KCTD16: variants seen among roughly 807,000 people sequenced by gnomAD.
The protein encoded by KCTD16 is potassium channel tetramerization domain containing 16.
KCTD16 carries 13 observed loss-of-function variants against 33.2 expected under a neutral mutation model. The observed-to-expected ratio is 0.39, with a 90% CI of 0.25 to 0.62. The LOEUF (loss-of-function observed/expected upper bound fraction) is 0.62. Among genes scored for constraint, KCTD16 ranks in the 20% least tolerant of loss-of-function variants. KCTD16 has a pLI of 0.50. For synonymous variants in KCTD16, 197 were observed against 195.3 expected (o/e 1.01, Z -0.07); for missense variants, 441 against 525.1 (o/e 0.84, Z 1.57).
intron 3 of KCTD16, among the ~76,000 whole-genome samples, chr5:144,255,729 C>T (rs11744309): frequency 0.22 from 33,446 of 152,114 alleles, 4,188 homozygotes; most frequent in Non-Finnish European, 0.29. Flanking sequence ...CCTGGGAGCT[C>T]AAAGTGAGTG....
intron 3 of KCTD16, among the ~76,000 whole-genome samples, chr5:144,383,929 A>C (rs942807292): frequency 6.6e-6 from 1 of 152,224 alleles, no homozygotes; most frequent in African/African-American, 2.4e-5. Flanking sequence ...CTATTCATTA[A>C]AAATGGTGAG....
At chr5:144,313,163 G>A (rs1751810655) in intron 3 of KCTD16, among the ~76,000 whole-genome samples, 1 of 152,148 alleles carries the variant, frequency 6.6e-6, no homozygotes, top group Non-Finnish European at 1.5e-5. Context: ...GAGTAGGAAT[G>A]TTTTGGGGTT....
intron 3 of KCTD16, among the ~76,000 whole-genome samples, chr5:144,282,051 G>C (rs1755621871): frequency 1.3e-5 from 2 of 152,178 alleles, no homozygotes; most frequent in African/African-American, 4.8e-5. Flanking sequence ...TGATAAGAAT[G>C]ATAAGAATTT....
intron 3 of KCTD16, among the ~76,000 whole-genome samples, chr5:144,270,907 T>C (rs1049979907): frequency 4.6e-5 from 7 of 151,864 alleles, no homozygotes; most frequent in Non-Finnish European, 8.8e-5. Flanking sequence ...CACCAAACAA[T>C]TGGATAACCT....
chr5:144,454,634 T>G (rs992914164), intron 3 of KCTD16, among the ~76,000 whole-genome samples: 2 of 152,188 alleles, frequency 1.3e-5, no homozygotes, highest in South Asian at 2.1e-4. Flanking sequence ...GAAGACAGGA[T>G]GCATAAAGCT....
chr5:144,288,129 A>G (rs1431197632), intron 3 of KCTD16, among the ~76,000 whole-genome samples: 5 of 152,156 alleles, frequency 3.3e-5, no homozygotes, highest in Non-Finnish European at 5.9e-5. Context: ...TACAGTTTCA[A>G]AAGCCATCCC....
rs549294080 is a variant in KCTD16, at chr5:144,392,615, T to C, written c.833-81045T>C. 2.6e-5 allele frequency among the ~76,000 whole-genome samples: 4 copies of C among 152,318 alleles called. No homozygotes were observed. The South Asian group carries it at 8.3e-4, about 32-fold the overall frequency. Reference sequence around the variant, plus strand: ...GGCTGCGGTTGGCCTTGCTACTGTTTACCATGTATCTCTAGCGCTCCTTTT... The same window carrying C: ...GGCTGCGGTTGGCCTTGCTACTGTTCACCATGTATCTCTAGCGCTCCTTTT... On this transcript the variant is annotated intron_variant, in intron 3 of 3. Transcript: ENST00000512467.
At chr5:144,381,126 C>T (rs1448891115) in intron 3 of KCTD16, among the ~76,000 whole-genome samples, 1 of 151,972 alleles carries the variant, frequency 6.6e-6, no homozygotes, top group Non-Finnish European at 1.5e-5. Context: ...CAAGCAACCC[C>T]ATTAAAAAAT....
In KCTD16 at chr5:144,260,021, T is replaced by A. The variant is rs181605234; in HGVS notation, c.832+52475T>A. On this transcript the variant is annotated intron_variant, in intron 3 of 3. Coordinates refer to ENST00000512467, the MANE Select transcript of KCTD16 (RefSeq NM_020768.4). ...CAGCCCCTAAGCAGGTTGCATTTCA[T>A]CTTTCCAGTCTGCATGAAATGAAAG... 7.2e-5 allele frequency among the ~76,000 whole-genome samples: 11 copies of A among 152,330 alleles called. No homozygotes were observed. The East Asian group carries it at 2.1e-3, about 29-fold the overall frequency.
intron 3 of KCTD16, among the ~76,000 whole-genome samples, chr5:144,461,889 C>G (rs1423044991): frequency 6.6e-6 from 1 of 152,118 alleles, no homozygotes; most frequent in Non-Finnish European, 1.5e-5. Flanking sequence ...ATTTAATTAT[C>G]ACTTTTGTCT....
intron 3 of KCTD16, among the ~76,000 whole-genome samples, chr5:144,299,304 T>C (rs1242394404): frequency 6.6e-6 from 1 of 151,294 alleles, no homozygotes; most frequent in Non-Finnish European, 1.5e-5. Context: ...TCCACTTGGC[T>C]GTACATAATA....
At chr5:144,200,831 G>T (rs1021594988) in intron 2 of KCTD16, among the ~76,000 whole-genome samples, 1 of 152,190 alleles carries the variant, frequency 6.6e-6, no homozygotes. Context: ...TTAAACTCGA[G>T]ACTCAAGGTA....
chr5:144,439,977 C>A (rs1753666918), intron 3 of KCTD16, among the ~76,000 whole-genome samples: 1 of 151,530 alleles, frequency 6.6e-6, no homozygotes, highest in Non-Finnish European at 1.5e-5. Context: ...TTTAAAAAAG[C>A]CCACTAACAA....
intron 3 of KCTD16, among the ~76,000 whole-genome samples, chr5:144,216,389 T>A (rs912702111): frequency 1.3e-4 from 20 of 152,350 alleles, no homozygotes; most frequent in African/African-American, 4.8e-4. Context: ...TTCTCTCCTT[T>A]TATTCATCAG....
intron 2 of KCTD16, among the ~76,000 whole-genome samples, chr5:144,186,452 C>A (rs1580773976): frequency 6.6e-6 from 1 of 151,458 alleles, no homozygotes; most frequent in Non-Finnish European, 1.5e-5. Context: ...TACATGCTGC[C>A]AGTCAGAACT....
intron 3 of KCTD16, among the ~76,000 whole-genome samples, chr5:144,398,281 A>G (rs1226992290): frequency 1.3e-5 from 2 of 152,176 alleles, no homozygotes; most frequent in Non-Finnish European, 2.9e-5. Context: ...TATTTTTCAT[A>G]TTTACCATTA....
chr5:144,209,365 G>A (rs1359852439), intron 3 of KCTD16, among the ~76,000 whole-genome samples: 1 of 152,182 alleles, frequency 6.6e-6, no homozygotes, highest in Non-Finnish European at 1.5e-5. Context: ...TCCTGACTAT[G>A]TCGTTTCTTC....
intron 3 of KCTD16, among the ~76,000 whole-genome samples, chr5:144,359,440 A>G (rs949758256): frequency 6.6e-6 from 1 of 151,960 alleles, no homozygotes; most frequent in Non-Finnish European, 1.5e-5. Flanking sequence ...TTGAAAGGGG[A>G]GTTTTGGGGA....
chr5:144,324,831 A>T (rs1752160921), intron 3 of KCTD16, among the ~76,000 whole-genome samples: 1 of 152,238 alleles, frequency 6.6e-6, no homozygotes, highest in African/African-American at 2.4e-5. Flanking sequence ...AGGAACAGAA[A>T]ACCAAACACT....
Sources: allele counts gnomAD v4.1 joint callset (sites outside exome capture counted in the v4.1 genomes callset), GRCh38; gene constraint gnomAD v4.1.1; transcripts MANE v1.5; gene names NCBI Gene and HGNC (gene_info 2026-07-23, HGNC 2026-07-21).